Variants in CNTNAP2 observed in about 807,000 individuals in gnomAD.
CNTNAP2 encodes contactin associated protein 2.
Under a neutral mutation model 155.2 loss-of-function variants are expected in CNTNAP2, and 98 were observed. The ratio of observed to expected loss-of-function variants is 0.63; its 90% CI spans 0.54 to 0.75. The LOEUF (loss-of-function observed/expected upper bound fraction) is 0.75. Among genes scored for constraint, CNTNAP2 ranks in the 30% least tolerant of loss-of-function variants. The pLI is 0.00. For synonymous variants in CNTNAP2, 651 were observed against 631.2 expected, an observed-to-expected ratio of 1.03 and a Z score of -0.47; for missense variants, 1,727 against 1,688.1, an observed-to-expected ratio of 1.02 and a Z score of -0.40.
chr7:146,388,662 T>C (rs887508977), intron 1 of CNTNAP2, among the ~76,000 whole-genome samples: 2 of 152,158 alleles, frequency 1.3e-5, no homozygotes, highest in Non-Finnish European at 2.9e-5. Flanking sequence ...TATTATTGAG[T>C]ATAGTCACCC....
chr7:146,860,325 TTTTTATC>T (rs1179799750), intron 3 of CNTNAP2, among the ~76,000 whole-genome samples: 2 of 152,232 alleles, frequency 1.3e-5, no homozygotes, highest in African/African-American at 4.8e-5. Context: ...GTTGCTTTCT[TTTTTATC>T]TTTTATAGGC....
At chr7:147,818,129 A>G (rs910240920) in intron 13 of CNTNAP2, among the ~76,000 whole-genome samples, 2 of 151,962 alleles carry the variant, frequency 1.3e-5, no homozygotes, top group African/African-American at 2.4e-5. Flanking sequence ...AAGAGGTATA[A>G]TATTATTGTG....
intron 1 of CNTNAP2, among the ~76,000 whole-genome samples, chr7:146,224,572 C>A (rs1424622325): frequency 1.6e-5 from 2 of 126,990 alleles, no homozygotes; most frequent in African/African-American, 5.9e-5. Flanking sequence ...ACGGGGAAAC[C>A]CCGTCTCTAC....
chr7:148,228,414 G>T (rs1275380453), intron 19 of CNTNAP2, among the ~76,000 whole-genome samples: 1 of 152,042 alleles, frequency 6.6e-6, no homozygotes, highest in African/African-American at 2.4e-5. Flanking sequence ...GGGCAAAAAG[G>T]GACTCAGGGG....
chr7:146,851,765 G>T (rs1286762819), intron 3 of CNTNAP2, among the ~76,000 whole-genome samples: 1 of 150,434 alleles, frequency 6.6e-6, no homozygotes, highest in African/African-American at 2.4e-5. Context: ...TTACTGCAAG[G>T]TCCAACTCCT....
chr7:147,863,238 G>A (rs778055316), intron 13 of CNTNAP2, among the ~76,000 whole-genome samples: 6 of 152,008 alleles, frequency 3.9e-5, no homozygotes, highest in Non-Finnish European at 8.8e-5. Context: ...GCTTCTCCAC[G>A]GCCCTGCAAA....
chr7:148,202,912 C>A (rs1282414958), intron 18 of CNTNAP2, among the ~76,000 whole-genome samples: 2 of 152,268 alleles, frequency 1.3e-5, no homozygotes, highest in African/African-American at 4.8e-5. Flanking sequence ...CCTTTCTCTT[C>A]TCATTTTTTC....
At chr7:146,461,280 C>T (rs981953284) in intron 1 of CNTNAP2, among the ~76,000 whole-genome samples, 23 of 151,768 alleles carry the variant, frequency 1.5e-4, no homozygotes, top group African/African-American at 5.6e-4. Flanking sequence ...TGGCAGGCAC[C>T]TGTAGTCCCA....
At chr7:148,271,837 C>A (rs985182694) in intron 21 of CNTNAP2, among the ~76,000 whole-genome samples, 2 of 152,154 alleles carry the variant, frequency 1.3e-5, no homozygotes, top group African/African-American at 4.8e-5. Flanking sequence ...GTGTAAAAAT[C>A]CATCTGTACA....
chr7:147,711,638 A>G (rs1304667087), intron 13 of CNTNAP2, among the ~76,000 whole-genome samples: 1 of 152,216 alleles, frequency 6.6e-6, no homozygotes, highest in African/African-American at 2.4e-5. Context: ...CCATTTCTAT[A>G]CAAAATGTCT....
intron 13 of CNTNAP2, among the ~76,000 whole-genome samples, chr7:147,811,011 A>G (rs1798171192): frequency 6.6e-6 from 1 of 152,212 alleles, no homozygotes; most frequent in Non-Finnish European, 1.5e-5. Flanking sequence ...TGATTGATAA[A>G]GTTACTAGGA....
At chr7:147,814,063 C>A (rs142198722) in intron 13 of CNTNAP2, among the ~76,000 whole-genome samples, 1,708 of 152,212 alleles carry the variant, frequency 0.011, 18 homozygotes, top group Non-Finnish European at 0.017. Context: ...ATTCACTTTT[C>A]TTTTTGCCTT....
At chr7:146,521,624 T>G (rs1797618091) in intron 1 of CNTNAP2, among the ~76,000 whole-genome samples, 1 of 152,020 alleles carries the variant, frequency 6.6e-6, no homozygotes, top group African/African-American at 2.4e-5. Context: ...AGAATTTTTG[T>G]ATTTCTATAG....
chr7:146,239,523 G>C (rs1799526441), intron 1 of CNTNAP2, among the ~76,000 whole-genome samples: 1 of 152,128 alleles, frequency 6.6e-6, no homozygotes, highest in Non-Finnish European at 1.5e-5. Flanking sequence ...ATCCCACTAA[G>C]TGCTGATGTA....
intron 11 of CNTNAP2, among the ~76,000 whole-genome samples, chr7:147,518,220 T>C (rs1399638703): frequency 6.6e-6 from 1 of 152,162 alleles, no homozygotes; most frequent in Non-Finnish European, 1.5e-5. Context: ...ACACTGAACA[T>C]AGAAACAACT....
chr7:148,287,725 G>C (rs1433368789), intron 21 of CNTNAP2, among the ~76,000 whole-genome samples: 1 of 152,002 alleles, frequency 6.6e-6, no homozygotes, highest in Admixed American at 6.6e-5. Context: ...ATGGTGGAGG[G>C]CATCACATGG....
intron 8 of CNTNAP2, among the ~76,000 whole-genome samples, chr7:147,254,330 G>A (rs1804270977): frequency 6.6e-6 from 1 of 151,998 alleles, no homozygotes; most frequent in Non-Finnish European, 1.5e-5. Context: ...ACATCAGAAT[G>A]ACAAAAACAC....
rs1333480391 is a variant in CNTNAP2 at position 148,409,912 on chromosome 7, G to A, written c.3796+441G>A. Among the ~76,000 whole-genome samples the A allele has an allele frequency of 3.2e-5, 3 of 92,768 alleles. 1 individual carries two copies. Among genetic ancestry groups the A allele is most frequent in the African/African-American group, 9.6e-5 (2 of 20,772 alleles). 60.9% of individuals were successfully genotyped at this position (92,768 alleles called of 152,430 possible). A position where few individuals can be genotyped will look rare whatever the true frequency, so the allele number is the denominator to read the frequency against. Reference sequence around the variant, plus strand: ...TAAAAATACAAAAAATTAGCCGGGCGCAGTGGCGGGCGCCTGTAGTCCCAG... The same window carrying A: ...TAAAAATACAAAAAATTAGCCGGGCACAGTGGCGGGCGCCTGTAGTCCCAG... On this transcript the variant is annotated intron_variant, in intron 23 of 23. Coordinates refer to ENST00000361727, the MANE Select transcript of CNTNAP2 (RefSeq NM_014141.6).
At chr7:146,801,056 A>G (rs1802868423) in intron 2 of CNTNAP2, among the ~76,000 whole-genome samples, 2 of 152,148 alleles carry the variant, frequency 1.3e-5, no homozygotes, top group South Asian at 4.1e-4. Flanking sequence ...TTATAAAGAA[A>G]AGAGATTTAT....
Sources: allele counts gnomAD v4.1 joint callset (sites outside exome capture counted in the v4.1 genomes callset), GRCh38; gene constraint gnomAD v4.1.1; transcripts MANE v1.5; gene names NCBI Gene and HGNC (gene_info 2026-07-23, HGNC 2026-07-21).